Variants in CLASP1 observed in about 807,000 individuals in gnomAD.
The protein encoded by CLASP1 is cytoplasmic linker associated protein 1.
In CLASP1, 38 loss-of-function variants were observed where a neutral mutation model predicts 192.3. The ratio of observed to expected loss-of-function variants is 0.20; its 90% confidence interval spans 0.15 to 0.26. The LOEUF (loss-of-function observed/expected upper bound fraction) is 0.26. Among genes scored for constraint, CLASP1 ranks in the 10% least tolerant of loss-of-function variants. The pLI is 1.00. For missense variants in CLASP1, 1,433 were observed against 1,932.5 expected, an observed-to-expected ratio of 0.74 and a Z score of 4.85; for synonymous variants, 691 against 712.8, an observed-to-expected ratio of 0.97 and a Z score of 0.49.
intron 2 of CLASP1, among the ~76,000 whole-genome samples, chr2:121,591,717 T>C (rs989912684): frequency 6.6e-6 from 1 of 152,222 alleles, no homozygotes; most frequent in East Asian, 1.9e-4. Flanking sequence ...GGCTATCTCT[T>C]GTCCCTCATC....
chr2:121,644,250 A>G (rs1161864554), intron 1 of CLASP1, among the ~76,000 whole-genome samples: 1 of 152,126 alleles, frequency 6.6e-6, no homozygotes. Flanking sequence ...AGGAAATTTG[A>G]AAATCATTGG....
chr2:121,525,946 G>A, intron 5 of CLASP1, 26 bp from the exon 6 acceptor site: 1 of 1,565,778 alleles, frequency 6.4e-7, no homozygotes, highest in Non-Finnish European at 8.8e-7. Flanking sequence ...GTGCTTTCTT[G>A]TTAGTGAGAA....
intron 1 of CLASP1, among the ~76,000 whole-genome samples, chr2:121,635,313 C>T (rs1203037122): frequency 6.6e-6 from 1 of 152,118 alleles, no homozygotes; most frequent in East Asian, 1.9e-4. Context: ...TCTGGCCTCT[C>T]TGATGTTGTT....
rs541345207 is a variant in CLASP1 at position 121,576,580 on chromosome 2, T to C, written c.195+29121A>G. 1.8e-4 allele frequency among the ~76,000 whole-genome samples: 28 copies of C among 152,320 alleles called. No homozygotes were observed. In the South Asian group the frequency reaches 5.8e-3, roughly 32 times the overall value. On this transcript the variant is annotated intron_variant, in intron 2 of 39. Transcript: ENST00000263710. ...AATTCCTTTCACTGGGAATTGGCCC[T>C]TTCAGATTAGCTCTGTGCCCTCTGA... is the stretch of plus-strand genomic sequence containing the variant.
chr2:121,415,617 G>A (rs1490682149), intron 23 of CLASP1, among the ~76,000 whole-genome samples: 8 of 152,012 alleles, frequency 5.3e-5, no homozygotes, highest in South Asian at 2.1e-4. Flanking sequence ...TGCAACATAC[G>A]GCTTTTCGTT....
intron 2 of CLASP1, among the ~76,000 whole-genome samples, chr2:121,563,285 G>A (rs1307843445): frequency 1.3e-5 from 2 of 152,158 alleles, no homozygotes; most frequent in Non-Finnish European, 2.9e-5. Context: ...AGAAACGACC[G>A]CCTGATGATT....
intron 1 of CLASP1, among the ~76,000 whole-genome samples, chr2:121,630,154 A>G (rs2069219676): frequency 6.6e-6 from 1 of 152,032 alleles, no homozygotes; most frequent in African/African-American, 2.4e-5. Flanking sequence ...TCCTGACCTC[A>G]AGCGATCCAC....
chr2:121,610,720 T>G (rs1182420424), intron 1 of CLASP1, among the ~76,000 whole-genome samples: 52 of 67,452 alleles, frequency 7.7e-4, no homozygotes, highest in Admixed American at 1.3e-3. Context: ...GGAGGAGGAG[T>G]TACAGGAGAA....
chr2:121,496,336 T>C (rs1318322018), intron 8 of CLASP1, among the ~76,000 whole-genome samples: 3 of 152,116 alleles, frequency 2.0e-5, no homozygotes, highest in Non-Finnish European at 2.9e-5. Context: ...AAGGCAGCCA[T>C]CAAGTGATCA....
At chr2:121,359,915 T>G (rs960098618) in intron 37 of CLASP1, among the ~76,000 whole-genome samples, 1 of 152,240 alleles carries the variant, frequency 6.6e-6, no homozygotes, top group Non-Finnish European at 1.5e-5. Flanking sequence ...AGAAACACAT[T>G]CTGCACATAT....
At chr2:121,641,217 A>G (rs755556471) in intron 1 of CLASP1, among the ~76,000 whole-genome samples, 3 of 152,170 alleles carry the variant, frequency 2.0e-5, no homozygotes, top group Non-Finnish European at 2.9e-5. Flanking sequence ...TGTTCGTAAC[A>G]GAGTCTGCCT....
chr2:121,591,550 T>C (rs2062405949), intron 2 of CLASP1, among the ~76,000 whole-genome samples: 1 of 152,184 alleles, frequency 6.6e-6, no homozygotes, highest in Non-Finnish European at 1.5e-5. Flanking sequence ...TAAATTCCTA[T>C]ACTACAGTGC....
At chr2:121,569,403 G>A (rs1022315473) in intron 2 of CLASP1, among the ~76,000 whole-genome samples, 29 of 152,350 alleles carry the variant, frequency 1.9e-4, no homozygotes, top group Admixed American at 9.1e-4. Flanking sequence ...AAAGACAGCA[G>A]GAATGAGAAC....
chr2:121,575,197 C>T (rs771446385), intron 2 of CLASP1, among the ~76,000 whole-genome samples: 3 of 151,954 alleles, frequency 2.0e-5, no homozygotes, highest in Non-Finnish European at 2.9e-5. Flanking sequence ...CTGCAACCTC[C>T]GCCTCCCAGG....
chr2:121,528,928 C>T (rs1021326213), intron 3 of CLASP1, 148 bp from the exon 4 acceptor site: 2 of 671,080 alleles, frequency 3.0e-6, no homozygotes, highest in African/African-American at 1.8e-5. Flanking sequence ...GCTCACAGCT[C>T]TACTCTCCTT....
chr2:121,443,516 A>C (rs1159175750), intron 19 of CLASP1, among the ~76,000 whole-genome samples: 1 of 152,228 alleles, frequency 6.6e-6, no homozygotes, highest in East Asian at 1.9e-4. Flanking sequence ...AAAATTACCC[A>C]TATCAGCTTA....
exon 20 of CLASP1, chr2:121,430,149 A>G (rs1428865706): frequency 6.4e-7 from 1 of 1,573,340 alleles, no homozygotes; most frequent in Non-Finnish European, 8.6e-7. Flanking sequence ...TGGCACTCCC[A>G]GAGCTTTGCC....
At chr2:121,524,815 A>C in intron 6 of CLASP1, among the ~76,000 whole-genome samples, 1 of 152,192 alleles carries the variant, frequency 6.6e-6, no homozygotes, top group South Asian at 2.1e-4. Flanking sequence ...AGAAGAAAGC[A>C]GGGAGACAGC....
Position 121,425,309 on chromosome 2 carries a change from A to G in CLASP1, c.2045-3T>C. 1 of 1,611,076 alleles carries G rather than the reference A, an allele frequency of 6.2e-7. No homozygotes were observed. On this transcript the variant is annotated splice_region_variant and splice_polypyrimidine_tract_variant and intron_variant, in intron 21 of 39. Coordinates refer to ENST00000263710, the Ensembl canonical transcript of CLASP1. ...TGGGGAACTTGACCGGCTGCCAGCT[A>G]AAAGTGAAGCAAAATGACAATGAAT...
Sources: gnomAD v4.1 joint callset for allele counts (sites outside exome capture counted in the v4.1 genomes callset) on GRCh38, gnomAD v4.1.1 for gene constraint, MANE v1.5 for transcripts, NCBI Gene and HGNC (gene_info 2026-07-23, HGNC 2026-07-21) for gene names.